Variants in LAMA2 observed in about 807,000 individuals in gnomAD.
LAMA2 encodes laminin subunit alpha-2.
LAMA2 carries 269 observed loss-of-function variants against 364.8 expected under a neutral mutation model. The ratio of observed to expected loss-of-function variants is 0.74; its 90% CI spans 0.67 to 0.82. LAMA2 has a LOEUF of 0.82. Ranked by LOEUF, LAMA2 falls within the 40% of genes least tolerant of loss-of-function variation. LAMA2 has a pLI of 0.00. For synonymous variants in LAMA2, 1,379 were observed against 1,370.6 expected (o/e 1.01, Z -0.14); for missense variants, 3,807 against 3,873.2 (o/e 0.98, Z 0.45).
intron 4 of LAMA2, among the ~76,000 whole-genome samples, chr6:129,140,712 C>T (rs1007956107): frequency 1.3e-5 from 2 of 151,856 alleles, no homozygotes; most frequent in African/African-American, 4.8e-5. Context: ...TCCTATCCAA[C>T]ATTATGATTT....
intron 1 of LAMA2, among the ~76,000 whole-genome samples, chr6:128,912,300 G>T (rs73773541): frequency 0.054 from 8,161 of 151,574 alleles, 739 homozygotes; most frequent in African/African-American, 0.19. Flanking sequence ...TAATTTTTTG[G>T]ATAATGAATG....
chr6:129,155,700 G>C (rs1779072595), intron 8 of LAMA2, among the ~76,000 whole-genome samples: 1 of 152,010 alleles, frequency 6.6e-6, no homozygotes, highest in East Asian at 1.9e-4. Flanking sequence ...TCAATTTCTA[G>C]AACCTCAGTT....
chr6:129,343,234 G>A (rs762543882), intron 30 of LAMA2, among the ~76,000 whole-genome samples: 45 of 152,268 alleles, frequency 3.0e-4, no homozygotes, highest in Non-Finnish European at 4.3e-4. Flanking sequence ...ATAATGTATG[G>A]CAGTTTGTTC....
chr6:129,485,430 C>G (rs1356194314), intron 55 of LAMA2, among the ~76,000 whole-genome samples: 1 of 152,108 alleles, frequency 6.6e-6, no homozygotes, highest in Non-Finnish European at 1.5e-5. Context: ...TATAAAATAT[C>G]ATAGTATATG....
In LAMA2 at chr6:129,020,633, G is replaced by T. The variant is rs1214654260; in HGVS notation, c.113-29285G>T. 2.6e-5 allele frequency among the ~76,000 whole-genome samples: 4 copies of T among 152,258 alleles called. No homozygotes were observed. In the East Asian group the frequency reaches 7.7e-4, roughly 29 times the overall value. On this transcript the variant is annotated intron_variant, in intron 1 of 64. Coordinates refer to ENST00000421865, the MANE Select transcript of LAMA2 (RefSeq NM_000426.4). ...AATCCTCAGAAGAACACGTGAAAAG[G>T]TGTCCCAGGCGTGGTGTCCCGGGAG...
chr6:129,271,112 A>G (rs549993071), intron 17 of LAMA2, among the ~76,000 whole-genome samples: 14 of 152,284 alleles, frequency 9.2e-5, no homozygotes, highest in African/African-American at 3.1e-4. Context: ...ATAAAAGGAT[A>G]TAAATACAGC....
intron 43 of LAMA2, among the ~76,000 whole-genome samples, chr6:129,441,804 C>G (rs1562567151): frequency 6.6e-6 from 1 of 151,972 alleles, no homozygotes; most frequent in African/African-American, 2.4e-5. Flanking sequence ...CATAGCAAGA[C>G]CCCATCTTTA....
At chr6:129,374,082 C>G (rs369057810) in intron 34 of LAMA2, among the ~76,000 whole-genome samples, 3 of 152,078 alleles carry the variant, frequency 2.0e-5, no homozygotes, top group African/African-American at 7.2e-5. Flanking sequence ...TTACTTTTTT[C>G]CTACCATATT....
chr6:129,408,760 G>A (rs1039255813), intron 40 of LAMA2, among the ~76,000 whole-genome samples: 3 of 152,168 alleles, frequency 2.0e-5, no homozygotes, highest in Admixed American at 2.0e-4. Flanking sequence ...CTGAGCCTAT[G>A]CATAACCTCC....
intron 61 of LAMA2, among the ~76,000 whole-genome samples, chr6:129,506,761 G>C (rs1274581590): frequency 2.0e-5 from 3 of 151,988 alleles, no homozygotes; most frequent in South Asian, 2.1e-4. Context: ...CATTATAGTT[G>C]TAATTCTCAG....
At chr6:129,507,066 C>A (rs1042401511) in intron 61 of LAMA2, among the ~76,000 whole-genome samples, 1 of 134,278 alleles carries the variant, frequency 7.4e-6, no homozygotes, top group African/African-American at 2.6e-5. Context: ...TGAACCAAAC[C>A]TAATTACCTT....
At chr6:129,025,030 C>G (rs558465317) in intron 1 of LAMA2, among the ~76,000 whole-genome samples, 1 of 152,212 alleles carries the variant, frequency 6.6e-6, no homozygotes, top group Non-Finnish European at 1.5e-5. Flanking sequence ...TAACTTAGAG[C>G]TAAATAGTTT....
At chr6:129,205,411 GA>G (rs1311377026) in intron 12 of LAMA2, among the ~76,000 whole-genome samples, 3 of 138,678 alleles carry the variant, frequency 2.2e-5, no homozygotes, top group Non-Finnish European at 3.1e-5. Flanking sequence ...AAAGAAAAAA[GA>G]AAAAAAAATC....
intron 1 of LAMA2, among the ~76,000 whole-genome samples, chr6:128,981,176 C>T (rs1782840873): frequency 6.6e-6 from 1 of 152,102 alleles, no homozygotes; most frequent in Non-Finnish European, 1.5e-5. Context: ...GATTTCCTCC[C>T]CTGTGCCCTA....
In LAMA2 at chr6:129,158,041, G is replaced by A. The variant is rs866855868; in HGVS notation, c.1206+3358G>A. ...AGGATGTTTTTGCTCTTTAGGTCTC[G>A]ATGAGCAATTGCGGGCTTTCCTTGG... On this transcript the variant is annotated intron_variant, in intron 8 of 64. Coordinates refer to ENST00000421865, the MANE Select transcript of LAMA2 (RefSeq NM_000426.4). The A allele has an allele frequency of 3.0e-5, 48 of 1,612,550 alleles. No homozygotes were observed. In the African/African-American group the frequency reaches 4.5e-4, roughly 15 times the overall value.
rs550503227 is a variant in LAMA2, at chr6:129,168,381, A to T, written c.1306+2706A>T. 5.5e-4 allele frequency among the ~76,000 whole-genome samples: 83 copies of T among 152,194 alleles called. No individual in the cohort carries two copies. The East Asian group carries it at 0.014, about 26-fold the overall frequency. On this transcript the variant is annotated intron_variant, in intron 9 of 64. Coordinates refer to ENST00000421865, the MANE Select transcript of LAMA2 (RefSeq NM_000426.4). ...GGGATCCAGTTTCAGCTTTCTACATATGGCTAGCCAGTTCTCCCAGCACCA... is the reference window on the plus strand; with the variant it reads ...GGGATCCAGTTTCAGCTTTCTACATTTGGCTAGCCAGTTCTCCCAGCACCA...
intron 34 of LAMA2, among the ~76,000 whole-genome samples, chr6:129,377,503 C>T (rs188554506): frequency 6.1e-4 from 93 of 152,202 alleles, no homozygotes; most frequent in South Asian, 1.5e-3. Context: ...TGTCATTCCA[C>T]GGGGTCAGCT....
chr6:129,170,836 T>G (rs1404402103), intron 9 of LAMA2, among the ~76,000 whole-genome samples: 2 of 149,812 alleles, frequency 1.3e-5, no homozygotes, highest in South Asian at 2.2e-4. Flanking sequence ...ACTCAGGACT[T>G]GCTTTATGAA....
At chr6:129,350,174 G>T (rs1240397341) in intron 31 of LAMA2, among the ~76,000 whole-genome samples, 3 of 152,140 alleles carry the variant, frequency 2.0e-5, no homozygotes, top group East Asian at 3.9e-4. Context: ...ATGTAACAGA[G>T]AGTTACTAAT....
Sources: gnomAD v4.1 joint callset for allele counts (sites outside exome capture counted in the v4.1 genomes callset) on GRCh38, gnomAD v4.1.1 for gene constraint, MANE v1.5 for transcripts, NCBI Gene and HGNC (gene_info 2026-07-23, HGNC 2026-07-21) for gene names.